LRMDA: variants seen among roughly 807,000 people sequenced by gnomAD.
LRMDA encodes leucine-rich melanocyte differentiation-associated protein.
In LRMDA, 18 loss-of-function variants were observed where a neutral mutation model predicts 29.8. That is an observed-to-expected ratio of 0.60 (90% CI 0.42 to 0.90). LRMDA has a LOEUF of 0.90. Ranked by LOEUF, LRMDA falls within the 40% of genes least tolerant of loss-of-function variation. LRMDA has a pLI of 0.00. For missense variants in LRMDA, 273 were observed against 273.9 expected (o/e 1.00, Z 0.02); for synonymous variants, 125 against 109.4 (o/e 1.14, Z -0.89).
At chr10:76,142,177 T>C (rs1850214400) in intron 5 of LRMDA, among the ~76,000 whole-genome samples, 1 of 152,114 alleles carries the variant, frequency 6.6e-6, no homozygotes, top group African/African-American at 2.4e-5. Flanking sequence ...AGATGATTTT[T>C]TTCTTTCAAT....
chr10:76,171,138 C>T (rs1850828393), intron 5 of LRMDA, among the ~76,000 whole-genome samples: 1 of 152,156 alleles, frequency 6.6e-6, no homozygotes, highest in Non-Finnish European at 1.5e-5. Context: ...CCCCTTGTCC[C>T]TAAGTTTGTA....
At chr10:75,553,708 A>G (rs1194068568) in intron 2 of LRMDA, among the ~76,000 whole-genome samples, 3 of 152,146 alleles carry the variant, frequency 2.0e-5, no homozygotes, top group African/African-American at 7.2e-5. Flanking sequence ...CTTTAGTTAA[A>G]GCGCACCTTT....
intron 2 of LRMDA, among the ~76,000 whole-genome samples, chr10:75,507,726 A>G (rs1845185041): frequency 1.3e-5 from 2 of 152,206 alleles, no homozygotes; most frequent in Non-Finnish European, 2.9e-5. Context: ...GTAACTTCCA[A>G]ACAAACACAG....
intron 2 of LRMDA, among the ~76,000 whole-genome samples, chr10:75,564,994 T>C (rs1840351655): frequency 6.6e-6 from 1 of 152,266 alleles, no homozygotes; most frequent in Non-Finnish European, 1.5e-5. Context: ...GTGGTCTTTT[T>C]ATTTTAATAT....
intron 6 of LRMDA, among the ~76,000 whole-genome samples, chr10:76,531,163 A>C (rs1843229499): frequency 6.6e-6 from 1 of 152,104 alleles, no homozygotes; most frequent in Non-Finnish European, 1.5e-5. Context: ...TGTCCTTGGG[A>C]ATCTGCCTAC....
At chr10:75,495,258 C>T (rs1361114226) in intron 2 of LRMDA, among the ~76,000 whole-genome samples, 1 of 152,076 alleles carries the variant, frequency 6.6e-6, no homozygotes, top group African/African-American at 2.4e-5. Context: ...CTCTCCCTCC[C>T]TCCCTTCTGT....
chr10:76,324,084 G>A (rs1840804372), intron 5 of LRMDA, among the ~76,000 whole-genome samples: 1 of 152,172 alleles, frequency 6.6e-6, no homozygotes. Context: ...GTGAAGGCCT[G>A]ATAGAAATCT....
At chr10:76,340,430 C>T (rs1466147300) in intron 6 of LRMDA, among the ~76,000 whole-genome samples, 1 of 142,568 alleles carries the variant, frequency 7.0e-6, no homozygotes, top group Non-Finnish European at 1.5e-5. Context: ...GCATGAGGCT[C>T]TCTGGAGCCC....
intron 6 of LRMDA, among the ~76,000 whole-genome samples, chr10:76,478,708 T>C (rs985578008): frequency 5.9e-5 from 9 of 152,066 alleles, no homozygotes; most frequent in African/African-American, 2.2e-4. Context: ...CATGGAATAC[T>C]ATGCAGCCAT....
intron 2 of LRMDA, among the ~76,000 whole-genome samples, chr10:76,010,078 G>A (rs1042684583): frequency 2.0e-5 from 3 of 152,174 alleles, no homozygotes; most frequent in Admixed American, 6.5e-5. Flanking sequence ...GAAGGTGGCC[G>A]CCTTTTCTCG....
intron 2 of LRMDA, among the ~76,000 whole-genome samples, chr10:76,015,777 T>C (rs1159946389): frequency 2.0e-5 from 3 of 152,222 alleles, no homozygotes; most frequent in Non-Finnish European, 2.9e-5. Context: ...TAGACAGATT[T>C]CATTGGCTAT....
chr10:76,365,101 T>C lies in LRMDA; in HGVS notation c.601+40616T>C, dbSNP rs779673539. 3.2e-4 allele frequency among the ~76,000 whole-genome samples: 13 copies of C among 40,974 alleles called. 1 individual carries two copies. Among genetic ancestry groups the C allele is most frequent in the South Asian group, 2.8e-3 (6 of 2,136 alleles). 26.9% of individuals were successfully genotyped at this position (40,974 alleles called of 152,430 possible). ...ACACACACACATATATATATATATATATATATACACACACACACATACACA... is the reference window on the plus strand; with the variant it reads ...ACACACACACATATATATATATATACATATATACACACACACACATACACA... On this transcript the variant is annotated intron_variant, in intron 6 of 6. Coordinates refer to ENST00000611255, the MANE Select transcript of LRMDA (RefSeq NM_001305581.2).
chr10:76,310,082 G>A (rs1339400941), intron 5 of LRMDA, among the ~76,000 whole-genome samples: 4 of 152,116 alleles, frequency 2.6e-5, no homozygotes, highest in Non-Finnish European at 5.9e-5. Flanking sequence ...TATGATTCAT[G>A]GGAGAAACAT....
At chr10:76,377,573 G>A (rs1475529586) in intron 6 of LRMDA, among the ~76,000 whole-genome samples, 1 of 152,034 alleles carries the variant, frequency 6.6e-6, no homozygotes, top group African/African-American at 2.4e-5. Context: ...AGACATATGG[G>A]TCCAGTTTCA....
chr10:76,507,571 A>C (rs1842971466), intron 6 of LRMDA, among the ~76,000 whole-genome samples: 1 of 152,124 alleles, frequency 6.6e-6, no homozygotes, highest in Non-Finnish European at 1.5e-5. Context: ...ATATTTGCTA[A>C]GATTGTTATC....
intron 2 of LRMDA, among the ~76,000 whole-genome samples, chr10:75,985,210 A>G (rs1433551170): frequency 2.6e-5 from 4 of 152,350 alleles, no homozygotes; most frequent in African/African-American, 9.6e-5. Context: ...AGGGAAATGT[A>G]TAAAAATGAA....
chr10:75,501,420 A>G (rs1178821295), intron 2 of LRMDA, among the ~76,000 whole-genome samples: 1 of 152,128 alleles, frequency 6.6e-6, no homozygotes, highest in Non-Finnish European at 1.5e-5. Flanking sequence ...CTGACCTAAG[A>G]TGTCTGTAAA....
In LRMDA at chr10:75,554,483, C is replaced by T. The variant is rs150131923; in HGVS notation, c.131+115989C>T. On this transcript the variant is annotated intron_variant, in intron 2 of 6. Transcript: ENST00000611255. The stretch of plus-strand genomic sequence containing the variant: ...TTTCTAATGGCATTAATCAATTAAC[C>T]GATCAGTTATTTAGCCCCTCCTCTG... 5.3e-3 allele frequency among the ~76,000 whole-genome samples: 807 copies of T among 152,194 alleles called. 2 individuals are homozygous for T. Among genetic ancestry groups the T allele is most frequent in the Non-Finnish European group, 8.3e-3 (562 of 67,998 alleles).
chr10:75,902,725 C>T (rs1021636483), intron 2 of LRMDA, among the ~76,000 whole-genome samples: 1 of 152,010 alleles, frequency 6.6e-6, no homozygotes, highest in African/African-American at 2.4e-5. Flanking sequence ...CCTTCCAGAT[C>T]TGCCTTGTAT....
Sources: allele counts gnomAD v4.1 joint callset (sites outside exome capture counted in the v4.1 genomes callset), GRCh38; gene constraint gnomAD v4.1.1; transcripts MANE v1.5; gene names NCBI Gene and HGNC (gene_info 2026-07-23, HGNC 2026-07-21).